The following GAS6 variants were observed in gnomAD, a reference collection of about 807,000 sequenced individuals.
The protein encoded by GAS6 is growth arrest-specific protein 6.
In GAS6, 41 loss-of-function variants were observed where a neutral mutation model predicts 75.8. The ratio of observed to expected loss-of-function variants is 0.54; its 90% confidence interval spans 0.42 to 0.70. GAS6 has a LOEUF of 0.70. Ranked by LOEUF, GAS6 falls within the 30% of genes least tolerant of loss-of-function variation. GAS6 has a pLI of 0.00. For missense variants in GAS6, 854 were observed against 940.2 expected, an observed-to-expected ratio of 0.91 and a Z score of 1.20; for synonymous variants, 432 against 412.6, an observed-to-expected ratio of 1.05 and a Z score of -0.57.
At chr13:113,846,853 C>A in intron 3 of GAS6, 1 of 524,230 alleles carries the variant, frequency 1.9e-6, no homozygotes, top group East Asian at 3.5e-5. Flanking sequence ...TTCGAGGGGG[C>A]TCCTCCTGCC....
At chr13:113,860,368 AG>A (rs2051961599) in intron 2 of GAS6, among the ~76,000 whole-genome samples, 1 of 152,320 alleles carries the variant, frequency 6.6e-6, no homozygotes, top group South Asian at 2.1e-4. Flanking sequence ...TCCGGCAGGC[AG>A]GCCGGGGATC....
intron 2 of GAS6, among the ~76,000 whole-genome samples, chr13:113,853,399 T>A (rs1454088281): frequency 2.0e-5 from 3 of 152,232 alleles, no homozygotes; most frequent in Non-Finnish European, 4.4e-5. Flanking sequence ...GCAGTGAGGA[T>A]CAGAGGTCAG....
chr13:113,823,204 C>T (rs868818626), intron 13 of GAS6, 171 bp downstream of exon 13: 13 of 681,158 alleles, frequency 1.9e-5, no homozygotes, highest in East Asian at 5.9e-5. Flanking sequence ...AAACAACCCC[C>T]GCAGCCCGAA....
At chr13:113,832,263 C>T (rs778576355) in intron 10 of GAS6, 36 bp downstream of exon 10, 47 of 1,585,984 alleles carry the variant, frequency 3.0e-5, no homozygotes, top group Admixed American at 5.1e-5. Context: ...GGGAGAACCC[C>T]GTGAGGCCTG....
chr13:113,855,434 C>T (rs991221325), intron 2 of GAS6, among the ~76,000 whole-genome samples: 14 of 152,192 alleles, frequency 9.2e-5, no homozygotes, highest in African/African-American at 1.7e-4. Flanking sequence ...AGGACAAACA[C>T]GATTGCAAAG....
chr13:113,826,512 GCACCTTCTCTCCC>G (rs2051545726), intron 12 of GAS6, among the ~76,000 whole-genome samples: 1 of 117,384 alleles, frequency 8.5e-6, no homozygotes, highest in Admixed American at 8.3e-5. Flanking sequence ...GGCCTCGCAG[GCACCTTCTCTCCC>G]CGGCCTCCCG....
At chr13:113,825,017 G>C (rs181898451) in intron 12 of GAS6, among the ~76,000 whole-genome samples, 1 of 151,950 alleles carries the variant, frequency 6.6e-6, no homozygotes, top group Non-Finnish European at 1.5e-5. Flanking sequence ...TCGGGAGTTC[G>C]AGACCAACCT....
chr13:113,823,331 G>A (rs374225474), intron 13 of GAS6, 44 bp downstream of exon 13: 105 of 1,564,174 alleles, frequency 6.7e-5, no homozygotes, highest in Non-Finnish European at 8.5e-5. Context: ...CCACGTACCC[G>A]TGGGTCGAGC....
At chr13:113,859,699 C>A (rs1269067698) in intron 2 of GAS6, among the ~76,000 whole-genome samples, 3 of 151,954 alleles carry the variant, frequency 2.0e-5, no homozygotes, top group Non-Finnish European at 2.9e-5. Flanking sequence ...TCCCTGCACA[C>A]CTGTATCCAT....
At chr13:113,851,474 T>C (rs2051875023) in intron 2 of GAS6, among the ~76,000 whole-genome samples, 1 of 150,620 alleles carries the variant, frequency 6.6e-6, no homozygotes, top group African/African-American at 2.5e-5. Context: ...AGTGAGTAGA[T>C]AGATGAATAC....
At chr13:113,852,847 G>GC (rs1429377540) in intron 2 of GAS6, among the ~76,000 whole-genome samples, 1 of 152,194 alleles carries the variant, frequency 6.6e-6, no homozygotes, top group Non-Finnish European at 1.5e-5. Flanking sequence ...CGGTTCTCAC[G>GC]CCCCAACCCC....
Position 113,846,533 on chromosome 13 carries a change from C to T in GAS6, c.337G>A (p.Val113Met), listed in dbSNP as rs748222907. 1.5e-5 allele frequency: 25 copies of T among 1,613,906 alleles called. No homozygotes were observed. The highest frequency in any genetic ancestry group is 2.2e-5 in the East Asian group (1 of 44,898). ...YTKNSGFATC[V>M]QNLPDQCTPN... Reference sequence around the variant, plus strand: ...GCAAAGGAGGCCGACTTACTTTGCACGCAGGTGGCGAAGCCTGAGTTTTTG... The same window carrying T: ...GCAAAGGAGGCCGACTTACTTTGCATGCAGGTGGCGAAGCCTGAGTTTTTG... The change falls in exon 4 of 15, where the codon GTG (valine) becomes ATG (methionine). Residue 113 changes from valine (V) to methionine (M), a missense_variant. By Grantham distance (21) the Val-to-Met change is conservative. Transcript: ENST00000327773.
intron 8 of GAS6, 112 bp from the exon 9 acceptor site, chr13:113,832,864 T>G: frequency 6.4e-7 from 1 of 1,555,142 alleles, no homozygotes; most frequent in Non-Finnish European, 8.7e-7. Flanking sequence ...GCCTCGGGAG[T>G]GGCCACCCCG....
rs865982200 is a variant in GAS6, at chr13:113,834,117, C to T, written c.834+434G>A. Among the ~76,000 whole-genome samples the T allele has an allele frequency of 1.6e-4, 21 of 133,444 alleles. No homozygotes were observed. In the South Asian group the frequency reaches 2.2e-3, roughly 14 times the overall value. The allele number at this position is 133,444 out of a possible 152,430, so 87.5% of individuals were successfully genotyped here. On this transcript the variant is annotated intron_variant, in intron 8 of 14. Transcript: ENST00000327773. ...AGGTAGGTCATGCTGTGATAGGCCC[C>T]GGTGTGACAGGTCGGTGTGACAGGC...
At chr13:113,835,121 G>A (rs970321536) in intron 7 of GAS6, among the ~76,000 whole-genome samples, 2 of 152,268 alleles carry the variant, frequency 1.3e-5, no homozygotes, top group African/African-American at 4.8e-5. Context: ...ATCACTGGGG[G>A]CACGGCCCCT....
intron 2 of GAS6, among the ~76,000 whole-genome samples, chr13:113,856,706 G>A (rs2051918241): frequency 6.6e-6 from 1 of 152,216 alleles, no homozygotes; most frequent in South Asian, 2.1e-4. Flanking sequence ...AAAAGGAAGT[G>A]AACAGTATCT....
chr13:113,859,078 ATGTGTGCATGTATG>A (rs1288169980), intron 2 of GAS6, among the ~76,000 whole-genome samples: 10 of 144,444 alleles, frequency 6.9e-5, no homozygotes, highest in African/African-American at 2.6e-4. Flanking sequence ...GTCTATGTGA[ATGTGTGCATGTATG>A]TGTGTGCATG....
intron 11 of GAS6, among the ~76,000 whole-genome samples, 182 bp from the exon 12 acceptor site, chr13:113,827,346 C>T (rs1056656338): frequency 6.6e-6 from 1 of 152,222 alleles, no homozygotes; most frequent in African/African-American, 2.4e-5. Context: ...CGCCTCACTG[C>T]AGAATACCTA....
chr13:113,851,282 A>AATGAGTGAGTGGGTGG (rs1355698494), intron 2 of GAS6, among the ~76,000 whole-genome samples: 7 of 139,892 alleles, frequency 5.0e-5, no homozygotes, highest in African/African-American at 1.8e-4. Flanking sequence ...TGTATGAATG[A>AATGAGTGAGTGGGTGG]ATGAGTGAGT....
Sources: allele counts gnomAD v4.1 joint callset (sites outside exome capture counted in the v4.1 genomes callset), GRCh38; gene constraint gnomAD v4.1.1; transcripts MANE v1.5; gene names NCBI Gene and HGNC (gene_info 2026-07-23, HGNC 2026-07-21).